ECD: variants seen among roughly 807,000 people sequenced by gnomAD.
ECD encodes the protein ecdysoneless cell cycle regulator, also known as protein ecdysoneless homolog.
Under a neutral mutation model 77.2 loss-of-function variants are expected in ECD, and 59 were observed. The ratio of observed to expected loss-of-function variants is 0.76; its 90% CI spans 0.62 to 0.95. ECD has a LOEUF of 0.95. Among genes scored for constraint, ECD ranks in the 40% least tolerant of loss-of-function variants. The pLI is 0.00. For missense variants in ECD, 704 were observed against 763.4 expected (o/e 0.92, Z 0.92); for synonymous variants, 233 against 267.4 (o/e 0.87, Z 1.26).
At chr10:73,152,526 T>G in intron 6 of ECD, 105 bp from the exon 7 acceptor site, 19 of 1,279,232 alleles carry the variant, frequency 1.5e-5, no homozygotes, top group African/African-American at 3.0e-5. Flanking sequence ...AGCTTCATAT[T>G]CATATGAAAT....
chr10:73,155,731 C>G (rs2133267133), intron 5 of ECD, among the ~76,000 whole-genome samples: 1 of 151,678 alleles, frequency 6.6e-6, no homozygotes, highest in East Asian at 1.9e-4. Context: ...TCCAAAGTAG[C>G]TGAGATTACA....
At chr10:73,160,283 C>CAAAAA in intron 3 of ECD, 151 bp downstream of exon 3, 1 of 293,280 alleles carries the variant, frequency 3.4e-6, no homozygotes, top group Non-Finnish European at 5.8e-6. Flanking sequence ...AAGACTGTCT[C>CAAAAA]AAAAAAAAAA....
In ECD at chr10:73,163,917, A is replaced by C. The variant is rs1484193468; in HGVS notation, c.21T>G (p.Leu7=). ...ACTCCACTGTGTCTTCCATCGTAGC[A>C]AGCTTCATGGTTTCTTCCATTCTTC... MEETMK[L]ATMEDTVEYC... Residue 7 remains leucine (L), a synonymous_variant, in exon 2 of 14, where the codon CTT becomes CTG. Transcript: ENST00000372979. 7 of 1,614,052 alleles carry C rather than the reference A, an allele frequency of 4.3e-6. No homozygotes were observed. The highest frequency in any genetic ancestry group is 5.9e-6 in the Non-Finnish European group (7 of 1,180,030).
chr10:73,136,671 T>A (rs1298505258), intron 13 of ECD, 33 bp downstream of exon 13: 2 of 1,597,018 alleles, frequency 1.3e-6, no homozygotes, highest in Non-Finnish European at 1.7e-6. Flanking sequence ...CATACTAGAC[T>A]CAGAAAGAGA....
In ECD at chr10:73,154,793, G is replaced by T. The variant is rs367947028; in HGVS notation, c.591-345C>A. Reference sequence around the variant, plus strand: ...ACTAAAAATACAAAAAATTAGCTGGGCGTGGTGGCATACGCCTGTAGTCCC... The same window carrying T: ...ACTAAAAATACAAAAAATTAGCTGGTCGTGGTGGCATACGCCTGTAGTCCC... On this transcript the variant is annotated intron_variant, in intron 5 of 13. Transcript: ENST00000372979. 4.6e-5 allele frequency among the ~76,000 whole-genome samples: 7 copies of T among 151,828 alleles called. No homozygotes were observed. In the East Asian group the frequency reaches 5.9e-4, roughly 13 times the overall value.
intron 1 of ECD, among the ~76,000 whole-genome samples, chr10:73,166,399 A>G (rs1843463768): frequency 6.6e-6 from 1 of 152,226 alleles, no homozygotes; most frequent in Admixed American, 6.5e-5. Flanking sequence ...AGGAATCTCC[A>G]AAACTGTTCT....
At chr10:73,158,727 G>A (rs535388325) in intron 3 of ECD, among the ~76,000 whole-genome samples, 1 of 151,736 alleles carries the variant, frequency 6.6e-6, no homozygotes, top group South Asian at 2.1e-4. Flanking sequence ...GAGAGTGAGA[G>A]CCTGTCTCAA....
At chr10:73,137,556 A>G (rs553835998) in intron 12 of ECD, among the ~76,000 whole-genome samples, 1 of 152,232 alleles carries the variant, frequency 6.6e-6, no homozygotes, top group South Asian at 2.1e-4. Context: ...TGGGCGGATC[A>G]TGAGGTCAGG....
chr10:73,134,631 C>A lies in ECD; in HGVS notation c.1887G>T (p.Leu629=), dbSNP rs753055428. The A allele has an allele frequency of 7.4e-6, 12 of 1,614,062 alleles. No homozygotes were observed. The highest frequency in any genetic ancestry group is 3.3e-5 in the Admixed American group (2 of 59,992). The change falls in exon 14 of 14, where the codon CTG becomes CTT. Residue 629 remains leucine (L), a synonymous_variant. Transcript: ENST00000372979. Reference sequence around the variant, plus strand: ...TTGGTCTGTGATCGGTGTTGTCAGGCAGCTGCACTCCCATGCTTTGTAAAA... The same window carrying A: ...TTGGTCTGTGATCGGTGTTGTCAGGAAGCTGCACTCCCATGCTTTGTAAAA... ...SNLLQSMGVQ[L]PDNTDHRPTS... is the part of the protein sequence containing the mutation.
At chr10:73,145,374 A>G (rs954527131) in intron 9 of ECD, among the ~76,000 whole-genome samples, 2 of 152,062 alleles carry the variant, frequency 1.3e-5, no homozygotes, top group Admixed American at 6.6e-5. Context: ...ACAATAAATG[A>G]AAAAAAGTGA....
intron 5 of ECD, among the ~76,000 whole-genome samples, chr10:73,155,257 G>A (rs911378153): frequency 7.3e-5 from 11 of 151,670 alleles, no homozygotes; most frequent in African/African-American, 2.4e-5. Context: ...CAGTAGAGAC[G>A]GGGTTTCACC....
chr10:73,156,532 C>A (rs767316033), intron 4 of ECD, 36 bp downstream of exon 4: 1 of 1,612,974 alleles, frequency 6.2e-7, no homozygotes, highest in South Asian at 1.1e-5. Context: ...AGCATGATTT[C>A]ATCTCTATAA....
intron 9 of ECD, among the ~76,000 whole-genome samples, chr10:73,145,173 G>A (rs1338891424): frequency 6.6e-6 from 1 of 152,098 alleles, no homozygotes; most frequent in South Asian, 2.1e-4. Flanking sequence ...AGACCAGTCT[G>A]GCCAACATGG....
At chr10:73,157,198 C>T (rs1001967579) in intron 3 of ECD, among the ~76,000 whole-genome samples, 2 of 151,246 alleles carry the variant, frequency 1.3e-5, no homozygotes, top group African/African-American at 2.4e-5. Context: ...TACAAGTGCC[C>T]GCCATCATGC....
intron 6 of ECD, among the ~76,000 whole-genome samples, 171 bp downstream of exon 6, chr10:73,154,085 C>A (rs1249239621): frequency 1.3e-5 from 2 of 152,128 alleles, no homozygotes; most frequent in Non-Finnish European, 2.9e-5. Context: ...AAGGAATATT[C>A]AATCTATATT....
intron 8 of ECD, among the ~76,000 whole-genome samples, chr10:73,147,671 A>T (rs79050388): frequency 0.048 from 7,291 of 152,208 alleles, 544 homozygotes; most frequent in African/African-American, 0.16. Context: ...TTCCTTTAAA[A>T]AGATTATTCA....
chr10:73,147,640 A>G (rs1379770068), intron 8 of ECD, among the ~76,000 whole-genome samples: 1 of 151,890 alleles, frequency 6.6e-6, no homozygotes, highest in Non-Finnish European at 1.5e-5. Context: ...ATTCTTCGGG[A>G]CTTTTCCACT....
intron 1 of ECD, among the ~76,000 whole-genome samples, chr10:73,165,310 G>A (rs1364568202): frequency 1.3e-5 from 2 of 151,792 alleles, no homozygotes; most frequent in African/African-American, 4.8e-5. Flanking sequence ...CAAGTCTCAT[G>A]GGATGGTAGG....
chr10:73,138,160 C>T, intron 11 of ECD, 90 bp from the exon 12 acceptor site: 2 of 971,916 alleles, frequency 2.1e-6, no homozygotes. Context: ...AGGAAAGCTA[C>T]CAAAGATAGA....
Sources: gnomAD v4.1 joint callset for allele counts (sites outside exome capture counted in the v4.1 genomes callset) on GRCh38, gnomAD v4.1.1 for gene constraint, MANE v1.5 for transcripts, NCBI Gene and HGNC (gene_info 2026-07-23, HGNC 2026-07-21) for gene names.